Variants in DPP8 observed in about 807,000 individuals in gnomAD.
The protein encoded by DPP8 is DPP VIII.
DPP8 carries 31 observed loss-of-function variants against 107.5 expected under a neutral mutation model. That is an observed-to-expected ratio of 0.29 (90% CI 0.22 to 0.39). The LOEUF (loss-of-function observed/expected upper bound fraction) is 0.39. Among genes scored for constraint, DPP8 ranks in the 10% least tolerant of loss-of-function variants. The probability of loss-of-function intolerance (pLI) is 1.00; values close to 1 mark genes in which losing one functional copy is unlikely to be tolerated. For synonymous variants in DPP8, 381 were observed against 356.6 expected, an observed-to-expected ratio of 1.07 and a Z score of -0.77; for missense variants, 842 against 1,076.1, an observed-to-expected ratio of 0.78 and a Z score of 3.04.
At chr15:65,499,567 T>C (rs1193572398) in intron 4 of DPP8, among the ~76,000 whole-genome samples, 4 of 151,470 alleles carry the variant, frequency 2.6e-5, no homozygotes, top group African/African-American at 7.3e-5. Context: ...ACTTTAAAAT[T>C]TGTATGTTTT....
At chr15:65,484,984 C>T (rs967068861) in intron 8 of DPP8, 115 bp downstream of exon 8, 10 of 800,224 alleles carry the variant, frequency 1.2e-5, no homozygotes, top group Admixed American at 7.1e-5. Flanking sequence ...CATGATCCAC[C>T]GATATCTCAG....
rs754137239 is a variant in DPP8 at position 65,498,054 on chromosome 15, T to C, written c.547-22A>G. The C allele has an allele frequency of 1.9e-5, 30 of 1,562,836 alleles. 1 individual carries two copies. Among genetic ancestry groups the C allele is most frequent in the South Asian group, 1.3e-4 (11 of 84,176 alleles). Reference sequence around the variant, plus strand: ...GTTGCTAGAAAAGTAAACAACATTTTAAGGTAAGTATTAGGCTGACACATA... The same window carrying C: ...GTTGCTAGAAAAGTAAACAACATTTCAAGGTAAGTATTAGGCTGACACATA... On this transcript the variant is annotated intron_variant, in intron 4 of 19. Transcript: ENST00000300141.
intron 7 of DPP8, among the ~76,000 whole-genome samples, chr15:65,485,560 A>AG (rs1222625270): frequency 3.3e-5 from 5 of 151,242 alleles, no homozygotes; most frequent in African/African-American, 7.3e-5. Context: ...AAAAAAAAAA[A>AG]AAAAGAAAAG....
chr15:65,449,661 C>T (rs950085587), intron 19 of DPP8, among the ~76,000 whole-genome samples: 18 of 152,054 alleles, frequency 1.2e-4, no homozygotes, highest in Admixed American at 1.0e-3. Context: ...CCGCCTGCCT[C>T]GGCCTCCCAA....
chr15:65,497,229 C>T (rs569818272), intron 5 of DPP8, among the ~76,000 whole-genome samples: 21 of 151,994 alleles, frequency 1.4e-4, no homozygotes, highest in Non-Finnish European at 2.8e-4. Context: ...GTTTTTCTAT[C>T]TGTTTCTCAA....
intron 2 of DPP8, chr15:65,512,087 T>C (rs766508234): frequency 4.3e-6 from 3 of 702,242 alleles, no homozygotes; most frequent in Non-Finnish European, 5.1e-6. Context: ...AAAACGATCA[T>C]GATCAATTAA....
At chr15:65,515,658 G>C in intron 1 of DPP8, 11 of 1,613,842 alleles carry the variant, frequency 6.8e-6, no homozygotes, top group African/African-American at 1.3e-5. Flanking sequence ...GTGCCTACCT[G>C]ATTTTATTTT....
At chr15:65,490,595 G>A (rs2067930695) in intron 5 of DPP8, among the ~76,000 whole-genome samples, 1 of 152,084 alleles carries the variant, frequency 6.6e-6, no homozygotes, top group Non-Finnish European at 1.5e-5. Context: ...CACAGTACAT[G>A]CTCCAAATAA....
At chr15:65,450,101 G>C (rs2140323759) in intron 19 of DPP8, among the ~76,000 whole-genome samples, 1 of 97,008 alleles carries the variant, frequency 1.0e-5, no homozygotes, top group Admixed American at 1.0e-4. Flanking sequence ...CCAAGTAGCT[G>C]GGATTACAGG....
intron 15 of DPP8, among the ~76,000 whole-genome samples, chr15:65,457,878 C>T (rs917187117): frequency 2.0e-5 from 3 of 152,110 alleles, no homozygotes; most frequent in African/African-American, 7.2e-5. Context: ...ACTACAGCCT[C>T]GAACTCCTGG....
intron 19 of DPP8, among the ~76,000 whole-genome samples, chr15:65,448,004 G>A (rs2063598607): frequency 6.6e-6 from 1 of 151,872 alleles, no homozygotes; most frequent in Admixed American, 6.6e-5. Flanking sequence ...CCAATGCATG[G>A]TAAAAGATCC....
At chr15:65,488,618 A>T (rs892218040) in intron 6 of DPP8, among the ~76,000 whole-genome samples, 2 of 151,160 alleles carry the variant, frequency 1.3e-5, no homozygotes, top group South Asian at 4.1e-4. Flanking sequence ...AAAAAAAAAA[A>T]AAAAAAAAAA....
chr15:65,503,616 TTTTA>T (rs199568111), intron 3 of DPP8, among the ~76,000 whole-genome samples: 1,712 of 151,502 alleles, frequency 0.011, 23 homozygotes, highest in South Asian at 0.046. Flanking sequence ...CCTGACTAAT[TTTTA>T]TTTATTTATT....
intron 3 of DPP8, among the ~76,000 whole-genome samples, chr15:65,504,084 C>T (rs1050666499): frequency 2.0e-5 from 3 of 150,682 alleles, no homozygotes; most frequent in African/African-American, 7.3e-5. Context: ...AATTGCGGGC[C>T]GGGTGCAGTG....
intron 16 of DPP8, 109 bp from the exon 17 acceptor site, chr15:65,454,524 TTTTTA>T: frequency 1.4e-5 from 14 of 1,006,904 alleles, no homozygotes; most frequent in Non-Finnish European, 1.8e-5. Flanking sequence ...GGTGTTTTAA[TTTTTA>T]TTTTATTTAT....
chr15:65,499,060 C>T (rs147605445), intron 4 of DPP8, among the ~76,000 whole-genome samples: 2 of 124,870 alleles, frequency 1.6e-5, no homozygotes, highest in Admixed American at 8.5e-5. Flanking sequence ...TGTCTCCCCC[C>T]CAAAAAAAAA....
chr15:65,454,153 AAAAAT>A, intron 17 of DPP8, 105 bp downstream of exon 17: 1 of 903,906 alleles, frequency 1.1e-6, no homozygotes, highest in Non-Finnish European at 1.5e-6. Context: ...AAAAAAAAAA[AAAAAT>A]TGCCAACTCT....
chr15:65,514,014 G>C (rs961591402), intron 1 of DPP8, among the ~76,000 whole-genome samples: 21 of 152,136 alleles, frequency 1.4e-4, no homozygotes, highest in African/African-American at 5.1e-4. Flanking sequence ...TAAATACAAG[G>C]CTGTACATTT....
At chr15:65,472,354 G>A (rs1031695884) in intron 12 of DPP8, among the ~76,000 whole-genome samples, 46 of 152,194 alleles carry the variant, frequency 3.0e-4, no homozygotes, top group Middle Eastern at 3.4e-3. Flanking sequence ...GTGCAGTGAT[G>A]TGATCATAAT....
Sources: gnomAD v4.1 joint callset for allele counts (sites outside exome capture counted in the v4.1 genomes callset) on GRCh38, gnomAD v4.1.1 for gene constraint, MANE v1.5 for transcripts, NCBI Gene and HGNC (gene_info 2026-07-23, HGNC 2026-07-21) for gene names.